COL4A5: variants seen among roughly 807,000 people sequenced by gnomAD.
The protein encoded by COL4A5 is collagen type IV alpha 5 chain.
In COL4A5, 26 loss-of-function variants were observed where a neutral mutation model predicts 130.2. The ratio of observed to expected loss-of-function variants is 0.20; its 90% CI spans 0.15 to 0.28. The LOEUF is 0.28. COL4A5 is among the 10% of genes least tolerant of loss of function. The pLI, the probability that COL4A5 is intolerant of heterozygous loss-of-function variation, is 1.00. For synonymous variants in COL4A5, 496 were observed against 439.6 expected (o/e 1.13, Z -1.60); for missense variants, 1,131 against 1,344.3 (o/e 0.84, Z 2.48).
intron 18 of COL4A5, among the ~76,000 whole-genome samples, chrX:108,585,333 A>G (rs1433810807): frequency 8.9e-6 from 1 of 112,201 alleles, no homozygotes; most frequent in East Asian, 2.8e-4. Context: ...TTAGGACTGT[A>G]CTAAATCTAA....
chrX:108,515,361 T>C, intron 1 of COL4A5, among the ~76,000 whole-genome samples: 1 of 112,131 alleles, frequency 8.9e-6, no homozygotes, highest in Admixed American at 9.5e-5. Flanking sequence ...TATAACCTCA[T>C]GTCAACAAGA....
At chrX:108,445,701 T>C (rs73539487) in intron 1 of COL4A5, among the ~76,000 whole-genome samples, 11,658 of 111,806 alleles carry the variant, frequency 0.1, 1,300 homozygotes, top group African/African-American at 0.34. Flanking sequence ...TCTGTTCTTT[T>C]TATTTGATTA....
At chrX:108,503,329 C>T (rs1273777931) in intron 1 of COL4A5, among the ~76,000 whole-genome samples, 2 of 111,785 alleles carry the variant, frequency 1.8e-5, no homozygotes. Flanking sequence ...TGAAAGCATT[C>T]CTCGTAAGAA....
chrX:108,582,822 CTT>C, intron 16 of COL4A5, 60 bp from the exon 17 acceptor site: 1 of 943,780 alleles, frequency 1.1e-6, no homozygotes, highest in Admixed American at 2.2e-5. Flanking sequence ...AGAAGACAAT[CTT>C]TGGAGATTTC....
At chrX:108,642,996 A>G (rs1452471557) in intron 36 of COL4A5, among the ~76,000 whole-genome samples, 2 of 111,698 alleles carry the variant, frequency 1.8e-5, no homozygotes. Flanking sequence ...GCCCAATGTA[A>G]GGAAATCCAA....
At chrX:108,622,427 G>A (rs914076800) in intron 32 of COL4A5, among the ~76,000 whole-genome samples, 2 of 112,123 alleles carry the variant, frequency 1.8e-5, no homozygotes, top group African/African-American at 3.2e-5. Flanking sequence ...CACCGTGCCC[G>A]TCTGGATTAA....
chrX:108,617,548 C>T (rs1442104253), intron 30 of COL4A5, among the ~76,000 whole-genome samples: 1 of 111,578 alleles, frequency 9.0e-6, no homozygotes. Context: ...CATTGAATAT[C>T]AGTTTCCCAT....
rs772364213 is a variant in COL4A5, at chrX:108,655,320, C to T, written c.3247-11C>T. On this transcript the variant is annotated splice_polypyrimidine_tract_variant and intron_variant, in intron 36 of 52. Transcript: ENST00000328300. ...GAGACTTCAGTATTATCTTTTTATT[C>T]GTGTTTTCAGGGTGAGCCTGGTCTG... The T allele has an allele frequency of 5.0e-6, 6 of 1,205,902 alleles. No homozygotes were observed. Among genetic ancestry groups the T allele is most frequent in the Non-Finnish European group, 5.6e-6 (5 of 892,909 alleles).
chrX:108,645,249 CA>C (rs1258451717), intron 36 of COL4A5, among the ~76,000 whole-genome samples: 1 of 110,221 alleles, frequency 9.1e-6, no homozygotes, highest in Non-Finnish European at 1.9e-5. Context: ...GAAATTGAAA[CA>C]AAAAAGAATT....
In COL4A5 at chrX:108,681,765, C is replaced by G; in HGVS notation, c.4093C>G (p.Pro1365Ala). 8.3e-7 allele frequency: 1 copy of G among 1,207,536 alleles called. No homozygotes were observed. The highest frequency in any genetic ancestry group is 1.1e-6 in the Non-Finnish European group (1 of 892,572). The change falls in exon 47 of 53, where the codon CCT becomes GCT. Residue 1365 changes from proline (P) to alanine (A), a missense_variant. Transcript: ENST00000328300. ...TTGTGTGTTTTGTCTCATAGGTCCT[C>G]CTGGATTACCTGGTCCTTCAGGACA... ...EPGLIGPPGP[P>A]GLPGPSGQSI...
intron 1 of COL4A5, among the ~76,000 whole-genome samples, chrX:108,503,612 A>G (rs892880435): frequency 2.7e-5 from 3 of 112,129 alleles, no homozygotes; most frequent in Non-Finnish European, 5.6e-5. Context: ...ACTATGCACC[A>G]ACAACAATGA....
At chrX:108,494,632 A>G (rs1301524858) in intron 1 of COL4A5, among the ~76,000 whole-genome samples, 2 of 110,005 alleles carry the variant, frequency 1.8e-5, no homozygotes, top group East Asian at 5.7e-4. Context: ...GATAACGCAG[A>G]GGGAGGTTTA....
chrX:108,544,538 G>T (rs186546689), intron 2 of COL4A5, among the ~76,000 whole-genome samples: 1 of 111,036 alleles, frequency 9.0e-6, no homozygotes, highest in Non-Finnish European at 1.9e-5. Context: ...TTTTTGCATC[G>T]ATGTTCATCA....
chrX:108,587,477 T>G (rs763027809), intron 19 of COL4A5, among the ~76,000 whole-genome samples: 6 of 112,376 alleles, frequency 5.3e-5, no homozygotes, highest in Non-Finnish European at 1.9e-5. Flanking sequence ...CAAATAATAT[T>G]CCATTGTGTA....
intron 37 of COL4A5, 127 bp downstream of exon 37, chrX:108,655,584 A>G: frequency 1.3e-6 from 1 of 747,368 alleles, no homozygotes; most frequent in South Asian, 2.5e-5. Flanking sequence ...TAGCAACATA[A>G]TCTCAAACTA....
intron 4 of COL4A5, among the ~76,000 whole-genome samples, chrX:108,565,057 A>T (rs1443560645): frequency 1.8e-5 from 2 of 111,584 alleles, no homozygotes; most frequent in East Asian, 5.6e-4. Flanking sequence ...TAATATCCCT[A>T]TAGTTAACAT....
intron 44 of COL4A5, among the ~76,000 whole-genome samples, chrX:108,678,154 A>G (rs1196665562): frequency 9.5e-6 from 1 of 105,382 alleles, no homozygotes. Context: ...GGTTTGAGTG[A>G]CCCAGAGCAG....
intron 2 of COL4A5, 123 bp downstream of exon 2, chrX:108,539,928 C>A: frequency 1.8e-6 from 1 of 562,814 alleles, no homozygotes; most frequent in Non-Finnish European, 3.0e-6. Context: ...AATCCTATTG[C>A]ATTGCTTATT....
chrX:108,530,162 A>C (rs2065366341), intron 1 of COL4A5, among the ~76,000 whole-genome samples: 1 of 111,599 alleles, frequency 9.0e-6, no homozygotes, highest in South Asian at 3.8e-4. Flanking sequence ...TCACAATATA[A>C]GTCTCAACAA....
Sources: allele counts gnomAD v4.1 joint callset (sites outside exome capture counted in the v4.1 genomes callset), GRCh38; gene constraint gnomAD v4.1.1; transcripts MANE v1.5; gene names NCBI Gene and HGNC (gene_info 2026-07-23, HGNC 2026-07-21).